Variants in WDR12 observed in about 807,000 individuals in gnomAD.
The protein encoded by WDR12 is WD repeat domain 12, also known as ribosome biogenesis protein WDR12.
WDR12 carries 42 observed loss-of-function variants against 64.3 expected under a neutral mutation model. The ratio of observed to expected loss-of-function variants is 0.65; its 90% confidence interval spans 0.51 to 0.84. The LOEUF is 0.84. Among genes scored for constraint, WDR12 ranks in the 40% least tolerant of loss-of-function variants. The pLI is 0.00. For missense variants in WDR12, 469 were observed against 494.6 expected (o/e 0.95, Z 0.49); for synonymous variants, 158 against 173.3 (o/e 0.91, Z 0.70).
At chr2:202,896,892 C>G (rs1688254144) in intron 5 of WDR12, among the ~76,000 whole-genome samples, 2 of 152,056 alleles carry the variant, frequency 1.3e-5, no homozygotes, top group Non-Finnish European at 1.5e-5. Context: ...GAGGCTGAGG[C>G]AGGAGAATCG....
chr2:202,882,109 T>G (rs1163264377), intron 12 of WDR12, among the ~76,000 whole-genome samples: 1 of 152,020 alleles, frequency 6.6e-6, no homozygotes, highest in Admixed American at 6.6e-5. Context: ...TTTTTAATTT[T>G]TGTAGAGACA....
rs1687831188 is a variant in WDR12 at position 202,874,922 on chromosome 2, C to A, written c.*5938G>T. 6.6e-6 allele frequency: 1 copy of A among 152,198 alleles called. No individual in the cohort carries two copies. The allele number at this position is 152,198 out of a possible 1,614,324, so 9.4% of individuals were successfully genotyped here. On this transcript the variant is annotated 3_prime_UTR_variant, in exon 13 of 13. Coordinates refer to ENST00000261015, the MANE Select transcript of WDR12 (RefSeq NM_018256.4). Reference sequence around the variant, plus strand: ...ATCGTTTTAAAAATTATTTCCTCCCCCTGAAACCACTGAACTTCATCTGGT... The same window carrying A: ...ATCGTTTTAAAAATTATTTCCTCCCACTGAAACCACTGAACTTCATCTGGT...
In WDR12 at chr2:202,883,644, A is replaced by C; in HGVS notation, c.1086T>G (p.Ser362=). ...PTHEQQLISG[S]LDNIVKLWDT... ...CCCACAGCTTAACAATGTTATCTAA[A>C]GATCCTGAAATCAGCTGCTGTTCAT... Residue 362 remains serine (S), a synonymous_variant, in exon 11 of 13, where the codon TCT becomes TCG. Coordinates refer to ENST00000261015, the MANE Select transcript of WDR12 (RefSeq NM_018256.4). The C allele has an allele frequency of 6.2e-7, 1 of 1,614,140 alleles. No homozygotes were observed. Among genetic ancestry groups the C allele is most frequent in the Non-Finnish European group, 8.5e-7 (1 of 1,180,020 alleles).
intron 8 of WDR12, among the ~76,000 whole-genome samples, chr2:202,886,222 C>T (rs2105903981): frequency 6.6e-6 from 1 of 151,378 alleles, no homozygotes; most frequent in South Asian, 2.1e-4. Flanking sequence ...TTTGGGAGGC[C>T]GAGGTGGGTG....
In WDR12 at chr2:202,875,393, T is replaced by A. The variant is rs887006820; in HGVS notation, c.*5467A>T. 4.0e-5 allele frequency: 6 copies of A among 150,466 alleles called. No individual in the cohort carries two copies. The highest frequency in any genetic ancestry group is 1.5e-4 in the African/African-American group (6 of 41,040). The allele number at this position is 150,466 out of a possible 1,614,324, so 9.3% of individuals were successfully genotyped here. A position where few individuals can be genotyped will look rare whatever the true frequency, so the allele number is the denominator to read the frequency against. ...ACTTAAATTTATGTATTACTTTTTT[T>A]TTTTTTTTTTTTGAGACGGAGTTTC... On this transcript the variant is annotated 3_prime_UTR_variant, in exon 13 of 13. Transcript: ENST00000261015.
At chr2:202,895,634 T>C (rs575584443) in intron 6 of WDR12, among the ~76,000 whole-genome samples, 1 of 148,428 alleles carries the variant, frequency 6.7e-6, no homozygotes, top group South Asian at 2.2e-4. Flanking sequence ...GTGATTCTCC[T>C]ACCTCAGCCT....
rs1046410933 is a variant in WDR12, at chr2:202,894,615, G to A, written c.621C>T (p.Gly207=). The A allele has an allele frequency of 1.9e-6, 3 of 1,607,072 alleles. No individual in the cohort carries two copies. In the African/African-American group the frequency reaches 4.0e-5, roughly 22 times the overall value. The change falls in exon 7 of 13, where the codon GGC becomes GGT. Residue 207 remains glycine, a synonymous_variant. Transcript: ENST00000261015. ...VDGSGTKFCS[G]SWDKMLKIWS... ...AGATCTTTAGCATCTTATCCCAGGA[G>A]CCACTGCAAAACTAAACAGATGTAT... is the stretch of plus-strand genomic sequence containing the variant.
chr2:202,884,611 T>A, intron 8 of WDR12, 76 bp from the exon 9 acceptor site: 4 of 1,452,690 alleles, frequency 2.8e-6, no homozygotes, highest in Non-Finnish European at 3.7e-6. Flanking sequence ...ACTTATTACT[T>A]ACAAAGCCCA....
intron 7 of WDR12, among the ~76,000 whole-genome samples, chr2:202,893,150 T>C (rs140802665): frequency 7.8e-4 from 118 of 152,194 alleles, no homozygotes; most frequent in African/African-American, 2.4e-3. Flanking sequence ...ATGTTTCTGG[T>C]TTTTTTGAGT....
Position 202,911,498 on chromosome 2 carries a change from G to A in WDR12, c.-22C>T. 1 of 1,613,670 alleles carries A rather than the reference G, an allele frequency of 6.2e-7. No homozygotes were observed. The highest frequency in any genetic ancestry group is 8.5e-7 in the Non-Finnish European group (1 of 1,179,624). On this transcript the variant is annotated 5_prime_UTR_variant, in exon 1 of 13. Transcript: ENST00000261015. ...CCATGGCGAGGAGTACACACGACTT[G>A]CCCACGGAAACGTACGGGTTAGCAG...
chr2:202,890,639 C>T (rs1467582074), intron 8 of WDR12, among the ~76,000 whole-genome samples: 4 of 151,782 alleles, frequency 2.6e-5, no homozygotes, highest in African/African-American at 7.3e-5. Flanking sequence ...GGCATGGTGG[C>T]GGGTGCCTAT....
chr2:202,896,193 C>T lies in WDR12; in HGVS notation c.481G>A (p.Ala161Thr). Reference protein sequence around the residue: ...KDSLSCLLLSASMDQTILLWE... With the variant: ...KDSLSCLLLSTSMDQTILLWE... Reference sequence around the variant, plus strand: ...AAGAGAATAGTCTGATCCATAGAAGCACTCAATAATAAGCAGGACAAACTA... The same window carrying T: ...AAGAGAATAGTCTGATCCATAGAAGTACTCAATAATAAGCAGGACAAACTA... Residue 161 changes from alanine to threonine, a missense_variant, in exon 6 of 13, where the codon GCT becomes ACT. Physicochemically the swap from Ala to Thr is moderately conservative, Grantham distance 58. Coordinates refer to ENST00000261015, the MANE Select transcript of WDR12 (RefSeq NM_018256.4). 2 of 1,613,832 alleles carry T rather than the reference C, an allele frequency of 1.2e-6. No homozygotes were observed. The highest frequency in any genetic ancestry group is 1.7e-6 in the Non-Finnish European group (2 of 1,179,932).
Position 202,880,307 on chromosome 2 carries a change from G to A in WDR12, c.*553C>T, listed in dbSNP as rs1687926829. 6.6e-6 allele frequency: 1 copy of A among 152,042 alleles called. No individual in the cohort carries two copies. The highest frequency in any genetic ancestry group is 1.5e-5 in the Non-Finnish European group (1 of 68,000). 9.4% of individuals were successfully genotyped at this position (152,042 alleles called of 1,614,324 possible). On this transcript the variant is annotated 3_prime_UTR_variant, in exon 13 of 13. Coordinates refer to ENST00000261015, the MANE Select transcript of WDR12 (RefSeq NM_018256.4). ...CGGCCAGGCACAGTGGCTCACTTTG[G>A]GAGGCTGAGGTGGGCAGATCACCTG...
intron 4 of WDR12, 151 bp from the exon 5 acceptor site, chr2:202,897,566 T>C (rs1362801580): frequency 2.4e-6 from 1 of 422,646 alleles, no homozygotes; most frequent in Non-Finnish European, 4.1e-6. Context: ...CTAGATCAGA[T>C]CACTTGACGT....
chr2:202,895,946 C>T (rs929830837), intron 6 of WDR12, 119 bp downstream of exon 6: 6 of 1,201,328 alleles, frequency 5.0e-6, no homozygotes, highest in Non-Finnish European at 1.2e-6. Context: ...GAAATCCTAT[C>T]TTTTGTCACC....
rs1574412379 is a variant in WDR12 at position 202,907,782 on chromosome 2, T to C, written c.136+83A>G. The C allele has an allele frequency of 3.6e-6, 4 of 1,123,736 alleles. No homozygotes were observed. In the East Asian group the frequency reaches 7.6e-5, roughly 21 times the overall value. 69.6% of individuals were successfully genotyped at this position (1,123,736 alleles called of 1,614,324 possible). ...CCACTACAAAATTCATACAGTATCA[T>C]AAGGCCAAAAAAGGAACTAAAAACT... On this transcript the variant is annotated intron_variant, in intron 2 of 12. Coordinates refer to ENST00000261015, the MANE Select transcript of WDR12 (RefSeq NM_018256.4).
intron 2 of WDR12, among the ~76,000 whole-genome samples, 186 bp downstream of exon 2, chr2:202,907,679 C>T (rs1688483491): frequency 6.6e-6 from 1 of 152,028 alleles, no homozygotes; most frequent in Non-Finnish European, 1.5e-5. Context: ...AAATTTTTTT[C>T]TGAAAACTTT....
chr2:202,907,905 G>C lies in WDR12; in HGVS notation c.96C>G (p.Asp32Glu). 6.2e-7 allele frequency: 1 copy of C among 1,613,982 alleles called. No individual in the cohort carries two copies. The highest frequency in any genetic ancestry group is 8.5e-7 in the Non-Finnish European group (1 of 1,179,966). The change falls in exon 2 of 13, where the codon GAC becomes GAG. Residue 32 changes from aspartate (D) to glutamate (E), a missense_variant. Transcript: ENST00000261015. ...GTAGTTTATTGATGATGTTACTAAGGTCGGCAATTTCAGAGGCAGCAGGGA... is the reference window on the plus strand; with the variant it reads ...GTAGTTTATTGATGATGTTACTAAGCTCGGCAATTTCAGAGGCAGCAGGGA... ...FSIPAASEIA[D>E]LSNIINKLLK...
intron 8 of WDR12, among the ~76,000 whole-genome samples, chr2:202,884,846 T>G (rs891729512): frequency 6.6e-6 from 1 of 152,246 alleles, no homozygotes; most frequent in African/African-American, 2.4e-5. Flanking sequence ...CTACTTTTCA[T>G]TTTGATCAGC....
Sources: allele counts gnomAD v4.1 joint callset (sites outside exome capture counted in the v4.1 genomes callset), GRCh38; gene constraint gnomAD v4.1.1; transcripts MANE v1.5; gene names NCBI Gene and HGNC (gene_info 2026-07-23, HGNC 2026-07-21).